The following DEUP1 variants were observed in gnomAD, a reference collection of about 807,000 sequenced individuals.
The protein encoded by DEUP1 is deuterosome assembly protein 1, also known as coiled-coil domain containing 67.
A neutral mutation model predicts 87.4 loss-of-function variants in DEUP1; 82 were observed. The ratio of observed to expected loss-of-function variants is 0.94; its 90% CI spans 0.78 to 1.13. The LOEUF (loss-of-function observed/expected upper bound fraction) is 1.13, where lower values mean the gene tolerates loss of function less well. DEUP1 is among the 50% of genes most tolerant of loss of function. The probability of loss-of-function intolerance (pLI) is 0.00; values close to 1 mark genes in which losing one functional copy is unlikely to be tolerated. For synonymous variants in DEUP1, 214 were observed against 222.7 expected (o/e 0.96, Z 0.35); for missense variants, 663 against 681.5 (o/e 0.97, Z 0.30).
At chr11:93,334,629 TGCC>T (rs917132500) in intron 2 of DEUP1, among the ~76,000 whole-genome samples, 1 of 152,132 alleles carries the variant, frequency 6.6e-6, no homozygotes, top group African/African-American at 2.4e-5. Context: ...GAGCAGAAAG[TGCC>T]AAGGCCTATG....
At chr11:93,356,870 T>C in intron 3 of DEUP1, 78 bp from the exon 4 acceptor site, 1 of 853,818 alleles carries the variant, frequency 1.2e-6, no homozygotes, top group Non-Finnish European at 1.9e-6. Context: ...ATTTGAATTG[T>C]TCTTCTCTTT....
chr11:93,352,351 C>A (rs1565299736), intron 2 of DEUP1: 10 of 702,514 alleles, frequency 1.4e-5, no homozygotes, highest in Non-Finnish European at 1.3e-5. Flanking sequence ...GTCTGAGTGA[C>A]TGGACTTACA....
At chr11:93,372,202 A>T (rs1414615607) in intron 7 of DEUP1, among the ~76,000 whole-genome samples, 1 of 152,150 alleles carries the variant, frequency 6.6e-6, no homozygotes, top group Non-Finnish European at 1.5e-5. Context: ...TGCTGGGATT[A>T]CAGGCGTGAG....
chr11:93,415,061 C>G lies in DEUP1; in HGVS notation c.1585C>G (p.Gln529Glu). The G allele has an allele frequency of 6.2e-7, 1 of 1,610,028 alleles. No homozygotes were observed. The highest frequency in any genetic ancestry group is 2.2e-5 in the East Asian group (1 of 44,824). ...GCCTCCCTTGCCACCTTCGACATTT[C>G]AAGCCAAAGAAATGACAAGTCCTTT... is the stretch of plus-strand genomic sequence containing the variant. ...TMPPLPPSTF[Q>E]AKEMTSPLVS... The change falls in exon 13 of 14, where the codon CAA becomes GAA. Residue 529 changes from glutamine to glutamate, a missense_variant. Physicochemically the swap from Gln to Glu is conservative, Grantham distance 29 (BLOSUM62 2). Transcript: ENST00000298050.
chr11:93,361,750 A>G (rs1485299034), intron 4 of DEUP1, among the ~76,000 whole-genome samples: 1 of 152,100 alleles, frequency 6.6e-6, no homozygotes, highest in Non-Finnish European at 1.5e-5. Flanking sequence ...CAAACAGGAA[A>G]CAAAAAAGGG....
chr11:93,361,276 TAAAG>T (rs1417971753), intron 4 of DEUP1, among the ~76,000 whole-genome samples: 1 of 152,006 alleles, frequency 6.6e-6, no homozygotes, highest in Admixed American at 6.6e-5. Flanking sequence ...AAAGAATGGC[TAAAG>T]AAAGTTCTCT....
At chr11:93,386,339 A>G (rs1357247206) in intron 8 of DEUP1, among the ~76,000 whole-genome samples, 2 of 152,198 alleles carry the variant, frequency 1.3e-5, no homozygotes, top group African/African-American at 4.8e-5. Flanking sequence ...TGTATATTCC[A>G]TAAACACAAA....
At chr11:93,380,932 A>G (rs1669800657) in intron 7 of DEUP1, among the ~76,000 whole-genome samples, 1 of 152,202 alleles carries the variant, frequency 6.6e-6, no homozygotes, top group Non-Finnish European at 1.5e-5. Context: ...GAAAAACAAA[A>G]TCTGTTGTAG....
At chr11:93,429,550 C>G (rs187925230) in intron 13 of DEUP1, among the ~76,000 whole-genome samples, 3 of 152,254 alleles carry the variant, frequency 2.0e-5, no homozygotes, top group Non-Finnish European at 2.9e-5. Flanking sequence ...GCCTAAGCAA[C>G]CAGTCCACAA....
At chr11:93,396,158 T>C (rs1946939488) in intron 10 of DEUP1, 81 bp from the exon 11 acceptor site, 2 of 824,448 alleles carry the variant, frequency 2.4e-6, no homozygotes, top group Non-Finnish European at 3.9e-6. Context: ...AGAAAATATT[T>C]GTATTCACAA....
chr11:93,384,220 TA>T (rs1946431197), intron 7 of DEUP1, among the ~76,000 whole-genome samples: 2 of 152,178 alleles, frequency 1.3e-5, no homozygotes, highest in African/African-American at 4.8e-5. Flanking sequence ...GTAAGCCATT[TA>T]AACTCTTCAC....
intron 11 of DEUP1, among the ~76,000 whole-genome samples, chr11:93,406,339 T>C (rs1947275626): frequency 6.6e-6 from 1 of 151,918 alleles, no homozygotes; most frequent in Non-Finnish European, 1.5e-5. Context: ...CAGACCGCAA[T>C]CTATATTAAT....
intron 10 of DEUP1, among the ~76,000 whole-genome samples, chr11:93,395,787 GT>G (rs1946925034): frequency 6.6e-6 from 1 of 152,060 alleles, no homozygotes; most frequent in Non-Finnish European, 1.5e-5. Context: ...AAATGAAGTA[GT>G]CACTAAAAAA....
At chr11:93,359,413 C>T (rs1485861406) in intron 4 of DEUP1, among the ~76,000 whole-genome samples, 2 of 151,952 alleles carry the variant, frequency 1.3e-5, no homozygotes, top group African/African-American at 4.8e-5. Flanking sequence ...GAGGCTTTTG[C>T]TTGTGGAATA....
chr11:93,370,924 T>G (rs534187192), intron 6 of DEUP1, 114 bp from the exon 7 acceptor site: 1 of 935,248 alleles, frequency 1.1e-6, no homozygotes, highest in African/African-American at 1.7e-5. Context: ...ACTTTCATTA[T>G]GTAGTAACAT....
rs998012755 is a variant in DEUP1, at chr11:93,437,549, C to T, written c.1645C>T (p.Pro549Ser). ...TCTTTCTTTCTCTCTTTAGTCTCCC[C>T]CAGATATGTCCTTCCCAGCATCTTT... ...SDDDVFPLSP[P>S]DMSFPASLAA... Residue 549 changes from proline to serine, a missense_variant, in exon 14 of 14, where the codon CCA (proline) becomes TCA (serine). Physicochemically the swap from Pro to Ser is moderately conservative, Grantham distance 74. Coordinates refer to ENST00000298050, the MANE Select transcript of DEUP1 (RefSeq NM_181645.4). 6.2e-7 allele frequency: 1 copy of T among 1,610,230 alleles called. No homozygotes were observed. The highest frequency in any genetic ancestry group is 8.5e-7 in the Non-Finnish European group (1 of 1,178,662).
At chr11:93,366,135 A>C (rs1945403739) in intron 5 of DEUP1, among the ~76,000 whole-genome samples, 1 of 152,236 alleles carries the variant, frequency 6.6e-6, no homozygotes, top group South Asian at 2.1e-4. Flanking sequence ...AAAACACACG[A>C]GGTCTAGAAG....
intron 5 of DEUP1, among the ~76,000 whole-genome samples, chr11:93,365,585 CA>C (rs1266875397): frequency 6.6e-6 from 1 of 151,614 alleles, no homozygotes; most frequent in Non-Finnish European, 1.5e-5. Context: ...ATTTTTCAGA[CA>C]AAAAAAGCCT....
At chr11:93,386,584 A>C (rs544045092) in intron 8 of DEUP1, among the ~76,000 whole-genome samples, 8 of 152,260 alleles carry the variant, frequency 5.3e-5, no homozygotes, top group African/African-American at 1.9e-4. Context: ...AAGTTGTGAG[A>C]CCTTCAAAGT....
Sources: gnomAD v4.1 joint callset for allele counts (sites outside exome capture counted in the v4.1 genomes callset) on GRCh38, gnomAD v4.1.1 for gene constraint, MANE v1.5 for transcripts, NCBI Gene and HGNC (gene_info 2026-07-23, HGNC 2026-07-21) for gene names.